CCDC30: variants seen among roughly 807,000 people sequenced by gnomAD.
CCDC30 encodes coiled-coil domain containing 30.
In CCDC30, 70 loss-of-function variants were observed where a neutral mutation model predicts 100.2. That is an observed-to-expected ratio of 0.70 (90% CI 0.58 to 0.85). The LOEUF (loss-of-function observed/expected upper bound fraction) is 0.85. CCDC30 is among the 40% of genes least tolerant of loss of function. The pLI, the probability that CCDC30 is intolerant of heterozygous loss-of-function variation, is 0.00. For synonymous variants in CCDC30, 233 were observed against 269.5 expected (o/e 0.86, Z 1.33); for missense variants, 652 against 771.2 (o/e 0.85, Z 1.83).
chr1:42,588,030 G>A (rs1380153964), intron 9 of CCDC30, among the ~76,000 whole-genome samples: 1 of 152,136 alleles, frequency 6.6e-6, no homozygotes, highest in Non-Finnish European at 1.5e-5. Context: ...GTTATAGCAG[G>A]GAAGGAATGT....
At chr1:42,457,402 T>C in the CCDC30 span, 7 of 1,502,026 alleles carry the variant, frequency 4.7e-6, no homozygotes, top group African/African-American at 6.9e-5. Flanking sequence ...CAATCTTGGG[T>C]TAATTTCCTC....
upstream of CCDC30, among the ~76,000 whole-genome samples, chr1:42,461,300 G>A (rs992922894): frequency 6.6e-6 from 1 of 152,144 alleles, no homozygotes; most frequent in Admixed American, 6.5e-5. Context: ...AAATACTGCA[G>A]CAGTCAAGAC....
At chr1:42,497,403 T>G (rs1644247134) in intron 5 of CCDC30, among the ~76,000 whole-genome samples, 190 bp downstream of exon 5, 1 of 152,198 alleles carries the variant, frequency 6.6e-6, no homozygotes, top group African/African-American at 2.4e-5. Context: ...TTATACATTT[T>G]AACTACCTAT....
chr1:42,581,945 G>C (rs1170495209), intron 9 of CCDC30, among the ~76,000 whole-genome samples: 1 of 152,032 alleles, frequency 6.6e-6, no homozygotes, highest in Non-Finnish European at 1.5e-5. Context: ...ATATTGGCCA[G>C]GTGCAGTGGC....
rs1345417434 is a variant in CCDC30, at chr1:42,629,850, G to A, written c.1278-7387G>A. On this transcript the variant is annotated intron_variant, in intron 11 of 16. Coordinates refer to ENST00000668663, the Ensembl canonical transcript of CCDC30. ...CGGCTGGTCTTGAACTCCTGACCTC[G>A]TGATCCGTCGGCCTCAGCCTCCCAA... Among the ~76,000 whole-genome samples the A allele has an allele frequency of 5.3e-5, 8 of 151,860 alleles. No homozygotes were observed. The South Asian group carries it at 1.2e-3, about 24-fold the overall frequency.
chr1:42,510,913 G>A (rs1644468252), intron 6 of CCDC30, among the ~76,000 whole-genome samples: 1 of 151,898 alleles, frequency 6.6e-6, no homozygotes, highest in African/African-American at 2.4e-5. Flanking sequence ...CTAGTAAAAA[G>A]GCCATGCTCT....
intron 11 of CCDC30, among the ~76,000 whole-genome samples, chr1:42,623,966 C>T (rs1273840561): frequency 6.6e-6 from 1 of 152,022 alleles, no homozygotes; most frequent in East Asian, 1.9e-4. Flanking sequence ...TAAGCTAATT[C>T]CTAGGTATTT....
chr1:42,589,404 G>T lies in CCDC30; in HGVS notation c.1085G>T (p.Cys362Phe), dbSNP rs768775809. Reference sequence around the variant, plus strand: ...AAAGAAAATCTACTGGAAATGACCTGTTCTCAGCAACAATCCAGAATTCAG... The same window carrying T: ...AAAGAAAATCTACTGGAAATGACCTTTTCTCAGCAACAATCCAGAATTCAG... Residue 362 changes from cysteine to phenylalanine, a missense_variant, in exon 10 of 17, where the codon TGT becomes TTT. Coordinates refer to ENST00000668663, the Ensembl canonical transcript of CCDC30. 1.5e-5 allele frequency: 24 copies of T among 1,613,756 alleles called. No homozygotes were observed. The African/African-American group carries it at 2.9e-4, about 20-fold the overall frequency.
At chr1:42,639,895 G>A (rs1647264763) in intron 12 of CCDC30, among the ~76,000 whole-genome samples, 1 of 150,178 alleles carries the variant, frequency 6.7e-6, no homozygotes, top group African/African-American at 2.5e-5. Context: ...GAACCAGGGA[G>A]ATAGAAGTTG....
At position 42,568,802 on chromosome 1, in the gene CCDC30, G is replaced by T. The variant is rs188375986; in HGVS notation, c.636+2327G>T. Reference sequence around the variant, plus strand: ...AAAAAAAAAAAAAAGAGTTAGCCGGGCATGGTAGCACACGCCTGTAGTCCC... The same window carrying T: ...AAAAAAAAAAAAAAGAGTTAGCCGGTCATGGTAGCACACGCCTGTAGTCCC... On this transcript the variant is annotated intron_variant, in intron 7 of 16. Transcript: ENST00000668663. Among the ~76,000 whole-genome samples, 443 of 151,740 alleles carry T rather than the reference G, an allele frequency of 2.9e-3. 1 individual carries two copies. The highest frequency in any genetic ancestry group is 4.9e-3 in the Non-Finnish European group (336 of 67,912).
At chr1:42,538,151 A>C (rs1485886585) in intron 6 of CCDC30, among the ~76,000 whole-genome samples, 221 of 25,002 alleles carry the variant, frequency 8.8e-3, no homozygotes, top group African/African-American at 0.037. Flanking sequence ...TGTCTCCACA[A>C]AAAAAAAAAA....
At chr1:42,578,519 T>C (rs1402592047) in intron 8 of CCDC30, among the ~76,000 whole-genome samples, 2 of 152,210 alleles carry the variant, frequency 1.3e-5, no homozygotes, top group Non-Finnish European at 2.9e-5. Context: ...CTTTACCATA[T>C]GGATGTTATA....
chr1:42,477,311 C>T (rs1440520947), intron 1 of CCDC30, among the ~76,000 whole-genome samples: 1 of 151,608 alleles, frequency 6.6e-6, no homozygotes, highest in Non-Finnish European at 1.5e-5. Flanking sequence ...CTCACTGCAA[C>T]CTCTGCCTCC....
At chr1:42,650,363 G>A (rs1212258278) in intron 15 of CCDC30, among the ~76,000 whole-genome samples, 2 of 151,952 alleles carry the variant, frequency 1.3e-5, no homozygotes, top group Admixed American at 6.6e-5. Context: ...GCTGGGCATA[G>A]TAATCTCAGC....
At chr1:42,646,026 C>A in intron 14 of CCDC30, 109 bp from the exon 19 acceptor site, 1 of 1,372,556 alleles carries the variant, frequency 7.3e-7, no homozygotes, top group Admixed American at 2.5e-5. Context: ...TCACATGGAT[C>A]AGAACTATAG....
chr1:42,475,188 A>T (rs941113102), intron 1 of CCDC30, among the ~76,000 whole-genome samples: 4 of 152,178 alleles, frequency 2.6e-5, no homozygotes, highest in Admixed American at 1.3e-4. Context: ...GACAGCTGGA[A>T]GGGAGTTTAG....
rs545068063 is a variant in CCDC30 at position 42,635,637 on chromosome 1, G to A, written c.1278-1600G>A. 4.9e-4 allele frequency among the ~76,000 whole-genome samples: 74 copies of A among 151,706 alleles called. 1 individual carries two copies. Among genetic ancestry groups the A allele is most frequent in the Admixed American group, 4.7e-3 (72 of 15,238 alleles). Reference sequence around the variant, plus strand: ...ATCCTGACTAACACGGTGAAACCCCGTCTCTACTAAAAATACAAAAAATTA... The same window carrying A: ...ATCCTGACTAACACGGTGAAACCCCATCTCTACTAAAAATACAAAAAATTA... On this transcript the variant is annotated intron_variant, in intron 11 of 16. Transcript: ENST00000668663.
chr1:42,653,844 C>A lies in CCDC30; in HGVS notation c.1949C>A (p.Ser650Ter). ...TTTTCAGGAAAAGGTTTGGTAGAGT[C>A]ATTTGCAAGTCTTCAAGAGACTGAA... The change falls in exon 17 of 17, where the codon TCA (serine) becomes TAA (stop). Residue 650 changes from serine to a stop codon, truncating the protein, a stop_gained. Transcript: ENST00000668663. LOFTEE classifies it low-confidence loss of function (END_TRUNC). 6.2e-7 allele frequency: 1 copy of A among 1,614,004 alleles called. No homozygotes were observed. Among genetic ancestry groups the A allele is most frequent in the Non-Finnish European group, 8.5e-7 (1 of 1,179,928 alleles).
intron 4 of CCDC30, among the ~76,000 whole-genome samples, chr1:42,496,084 A>T (rs1309506869): frequency 6.6e-6 from 1 of 151,644 alleles, no homozygotes; most frequent in Admixed American, 6.6e-5. Flanking sequence ...GTAGAGTAAG[A>T]TGTGTGGTAT....
Sources: gnomAD v4.1 joint callset for allele counts (sites outside exome capture counted in the v4.1 genomes callset) on GRCh38, gnomAD v4.1.1 for gene constraint, MANE v1.5 for transcripts, NCBI Gene and HGNC (gene_info 2026-07-23, HGNC 2026-07-21) for gene names.